MTARC1: variants seen among roughly 807,000 people sequenced by gnomAD.
MTARC1 encodes mitochondrial amidoxime-reducing component 1.
A neutral mutation model predicts 33.6 loss-of-function variants in MTARC1; 24 were observed. The observed-to-expected ratio is 0.72, with a 90% confidence interval of 0.52 to 1.01. The LOEUF (loss-of-function observed/expected upper bound fraction) is 1.01, where lower values mean the gene tolerates loss of function less well. MTARC1 is among the 50% of genes least tolerant of loss of function. The pLI is 0.00. For synonymous variants in MTARC1, 187 were observed against 189.5 expected (o/e 0.99, Z 0.11); for missense variants, 417 against 445.7 (o/e 0.94, Z 0.58).
At chr1:220,803,193 T>A (rs1183304692) in intron 4 of MTARC1, among the ~76,000 whole-genome samples, 1 of 152,154 alleles carries the variant, frequency 6.6e-6, no homozygotes, top group African/African-American at 2.4e-5. Flanking sequence ...AGGCACGTCT[T>A]ACATGGTGGC....
At chr1:220,787,341 A>G in intron 1 of MTARC1, 122 bp downstream of exon 1, 1 of 1,334,928 alleles carries the variant, frequency 7.5e-7, no homozygotes. Flanking sequence ...TTACAAAGAA[A>G]CTGGGAGTTG....
At chr1:220,787,518 G>A (rs1173942560) in intron 1 of MTARC1, among the ~76,000 whole-genome samples, 1 of 152,162 alleles carries the variant, frequency 6.6e-6, no homozygotes, top group Non-Finnish European at 1.5e-5. Context: ...ATCGCTCCCA[G>A]GTGTCTGCCA....
chr1:220,789,079 C>T (rs930610440), intron 1 of MTARC1, among the ~76,000 whole-genome samples: 4 of 151,858 alleles, frequency 2.6e-5, no homozygotes, highest in African/African-American at 9.7e-5. Flanking sequence ...GGTTGTGACA[C>T]GTGCCAGGGT....
intron 1 of MTARC1, among the ~76,000 whole-genome samples, chr1:220,787,459 C>G (rs1008036168): frequency 2.6e-5 from 4 of 152,138 alleles, no homozygotes; most frequent in African/African-American, 9.7e-5. Context: ...GGGCGGATCT[C>G]CACCTCCCAC....
At position 220,801,223 on chromosome 1, in the gene MTARC1, G is replaced by A. The variant is rs12403499; in HGVS notation, c.753+3209G>A. 2.4e-3 allele frequency among the ~76,000 whole-genome samples: 365 copies of A among 152,086 alleles called. 9 individuals are homozygous for A. The highest frequency in any genetic ancestry group is 0.023 in the Admixed American group (349 of 15,272). ...TCTCTTACTCTGCCCCAGCCATACT[G>A]GCCTTTTTTCTGGGCCCCAGCTGTG... is the stretch of plus-strand genomic sequence containing the variant. On this transcript the variant is annotated intron_variant, in intron 4 of 6. Coordinates refer to ENST00000366910, the MANE Select transcript of MTARC1 (RefSeq NM_022746.4).
At position 220,789,540 on chromosome 1, in the gene MTARC1, G is replaced by A. The variant is rs72470584; in HGVS notation, c.276-1951G>A. On this transcript the variant is annotated intron_variant, in intron 1 of 6. Coordinates refer to ENST00000366910, the MANE Select transcript of MTARC1 (RefSeq NM_022746.4). ...CTGTCCTGGGCCACGGGTTGGACAA[G>A]CTTACTCTAAGGTATTTACCAAAAG... 9.2e-3 allele frequency among the ~76,000 whole-genome samples: 1,402 copies of A among 152,342 alleles called. 11 individuals are homozygous for A. The highest frequency in any genetic ancestry group is 0.06 in the East Asian group (310 of 5,192).
intron 6 of MTARC1, among the ~76,000 whole-genome samples, chr1:220,805,715 G>GA (rs1184154318): frequency 5.3e-5 from 8 of 152,052 alleles, no homozygotes; most frequent in African/African-American, 9.6e-5. Flanking sequence ...TTAGCAAAAA[G>GA]AAAAAAAGGA....
At position 220,807,606 on chromosome 1, in the gene MTARC1, A is replaced by C. The variant is rs190414914; in HGVS notation, c.887+2332A>C. Among the ~76,000 whole-genome samples, 71 of 149,862 alleles carry C rather than the reference A, an allele frequency of 4.7e-4. 1 individual carries two copies. The highest frequency in any genetic ancestry group is 1.6e-3 in the African/African-American group (64 of 39,222). ...TCACAAAAACAAACAAACAAACAAA[A>C]AAACAAATATATATAGTCAAGTGTT... On this transcript the variant is annotated intron_variant, in intron 6 of 6. Transcript: ENST00000366910.
chr1:220,798,391 C>G, intron 4 of MTARC1: 1 of 1,176,534 alleles, frequency 8.5e-7, no homozygotes, highest in Non-Finnish European at 1.1e-6. Context: ...TAGTAGACGG[C>G]TCTCTTGGAG....
At chr1:220,797,521 A>G (rs1256952749) in intron 3 of MTARC1, among the ~76,000 whole-genome samples, 1 of 152,236 alleles carries the variant, frequency 6.6e-6, no homozygotes, top group Non-Finnish European at 1.5e-5. Context: ...GGAATTAGTG[A>G]ACATTTAAAT....
At chr1:220,796,538 C>T in intron 2 of MTARC1, 105 bp from the exon 3 acceptor site, 1 of 1,286,558 alleles carries the variant, frequency 7.8e-7, no homozygotes, top group Non-Finnish European at 1.0e-6. Flanking sequence ...TAAGAAATGA[C>T]AGTAATGTTA....
At chr1:220,791,994 G>T (rs1162447728) in intron 2 of MTARC1, among the ~76,000 whole-genome samples, 1 of 152,122 alleles carries the variant, frequency 6.6e-6, no homozygotes, top group East Asian at 1.9e-4. Context: ...TGGTGGGGGC[G>T]AGTGTCCTAG....
chr1:220,797,711 C>A, intron 3 of MTARC1, 163 bp from the exon 4 acceptor site: 1 of 665,390 alleles, frequency 1.5e-6, no homozygotes, highest in Non-Finnish European at 2.5e-6. Flanking sequence ...CTATTGAAAA[C>A]TTCTGAGTCA....
chr1:220,792,141 G>C (rs1002299410), intron 2 of MTARC1, among the ~76,000 whole-genome samples: 1 of 152,192 alleles, frequency 6.6e-6, no homozygotes, highest in Non-Finnish European at 1.5e-5. Context: ...TCTAATGAAA[G>C]GAAGTTCCAA....
rs540520105 is a variant in MTARC1 at position 220,789,699 on chromosome 1, G to A, written c.276-1792G>A. Among the ~76,000 whole-genome samples, 3 of 152,204 alleles carry A rather than the reference G, an allele frequency of 2.0e-5. No individual in the cohort carries two copies. In the East Asian group the frequency reaches 5.8e-4, roughly 29 times the overall value. ...ATGGATGAGTAGATAAGCAAAATGT[G>A]GTATATACACACAATGGAATATTAT... is the stretch of plus-strand genomic sequence containing the variant. On this transcript the variant is annotated intron_variant, in intron 1 of 6. Coordinates refer to ENST00000366910, the MANE Select transcript of MTARC1 (RefSeq NM_022746.4).
intron 4 of MTARC1, among the ~76,000 whole-genome samples, chr1:220,802,045 C>G (rs574935857): frequency 1.3e-5 from 2 of 152,286 alleles, no homozygotes; most frequent in South Asian, 4.1e-4. Context: ...ACACTACTTA[C>G]TGAAACGTTT....
chr1:220,810,456 C>T (rs1673096129), intron 6 of MTARC1, among the ~76,000 whole-genome samples: 1 of 152,190 alleles, frequency 6.6e-6, no homozygotes, highest in Non-Finnish European at 1.5e-5. Context: ...CAGGCCGGCC[C>T]ACCGAGAACC....
In MTARC1 at chr1:220,815,218, G is replaced by GTACA. The variant is rs2102615060; in HGVS notation, c.*1801_*1804dup. ...CCGGGGGACCCGTGGGAGAGTGAGT[G>GTACA]TACACAGGATTTAGGAAACCATGTG... On this transcript the variant is annotated 3_prime_UTR_variant, in exon 7 of 7. Coordinates refer to ENST00000366910, the MANE Select transcript of MTARC1 (RefSeq NM_022746.4). The GTACA allele has an allele frequency of 6.6e-6, 1 of 152,404 alleles. No homozygotes were observed. Among genetic ancestry groups the GTACA allele is most frequent in the East Asian group, 1.9e-4 (1 of 5,192 alleles). The allele number at this position is 152,404 out of a possible 1,614,324, so 9.4% of individuals were successfully genotyped here. A position where few individuals can be genotyped will look rare whatever the true frequency, so the allele number is the denominator to read the frequency against.
intron 6 of MTARC1, among the ~76,000 whole-genome samples, chr1:220,805,788 G>A (rs563794590): frequency 5.3e-5 from 8 of 152,148 alleles, no homozygotes; most frequent in Middle Eastern, 3.4e-3. Context: ...TGATAATTAC[G>A]TGGGGTTTAT....
Sources: gnomAD v4.1 joint callset for allele counts (sites outside exome capture counted in the v4.1 genomes callset) on GRCh38, gnomAD v4.1.1 for gene constraint, MANE v1.5 for transcripts, NCBI Gene and HGNC (gene_info 2026-07-23, HGNC 2026-07-21) for gene names.